HPSE2: variants seen among roughly 807,000 people sequenced by gnomAD.
HPSE2 encodes the protein inactive heparanase-2.
HPSE2 carries 38 observed loss-of-function variants against 60.5 expected under a neutral mutation model. The observed-to-expected ratio is 0.63, with a 90% CI of 0.48 to 0.82. The LOEUF is 0.82. Among genes scored for constraint, HPSE2 ranks in the 40% least tolerant of loss-of-function variants. The pLI is 0.00. For missense variants in HPSE2, 713 were observed against 740.4 expected, an observed-to-expected ratio of 0.96 and a Z score of 0.43; for synonymous variants, 295 against 293.2, an observed-to-expected ratio of 1.01 and a Z score of -0.06.
chr10:98,616,679 A>AAAAGC (rs1315615278), intron 8 of HPSE2, among the ~76,000 whole-genome samples: 1 of 152,188 alleles, frequency 6.6e-6, no homozygotes, highest in Non-Finnish European at 1.5e-5. Flanking sequence ...AAACAAAACA[A>AAAAGC]AAAGCAAAGC....
chr10:99,194,401 T>C (rs776940717), intron 2 of HPSE2, among the ~76,000 whole-genome samples: 11 of 148,838 alleles, frequency 7.4e-5, no homozygotes, highest in Non-Finnish European at 1.2e-4. Context: ...CCAAAATCAA[T>C]AGAAAAAAGA....
chr10:98,577,033 T>A (rs1239719249), intron 9 of HPSE2, among the ~76,000 whole-genome samples: 1 of 152,016 alleles, frequency 6.6e-6, no homozygotes, highest in African/African-American at 2.4e-5. Context: ...TCCTTCCTTC[T>A]CCTGATGAAG....
intron 6 of HPSE2, among the ~76,000 whole-genome samples, chr10:98,670,894 G>A (rs565971844): frequency 6.6e-6 from 1 of 152,274 alleles, no homozygotes; most frequent in South Asian, 2.1e-4. Flanking sequence ...TGGGGAGCTC[G>A]GATTTTAAGG....
the HPSE2 span, among the ~76,000 whole-genome samples, chr10:99,254,942 TAA>T: frequency 6.6e-6 from 1 of 152,190 alleles, no homozygotes; most frequent in African/African-American, 2.4e-5. Flanking sequence ...TGATAACAGG[TAA>T]AGAGTTTCTT....
chr10:98,900,531 TGTTA>T (rs1320363791), intron 3 of HPSE2, among the ~76,000 whole-genome samples: 5 of 152,168 alleles, frequency 3.3e-5, no homozygotes, highest in Admixed American at 6.5e-5. Context: ...ATACAGTACA[TGTTA>T]GTTATGCACG....
At chr10:98,566,265 T>G (rs1038929396) in intron 9 of HPSE2, among the ~76,000 whole-genome samples, 1 of 152,212 alleles carries the variant, frequency 6.6e-6, no homozygotes, top group Non-Finnish European at 1.5e-5. Context: ...ATAGCTAGGA[T>G]GATGACCTAG....
chr10:98,676,579 T>C (rs1947647831), intron 6 of HPSE2, among the ~76,000 whole-genome samples: 1 of 152,118 alleles, frequency 6.6e-6, no homozygotes, highest in Non-Finnish European at 1.5e-5. Context: ...TGCAGTGAAC[T>C]AACTGGGCAA....
the HPSE2 span, among the ~76,000 whole-genome samples, chr10:99,273,111 T>C: frequency 6.6e-6 from 1 of 152,124 alleles, no homozygotes; most frequent in African/African-American, 2.4e-5. Flanking sequence ...AATAAAGACA[T>C]TTGCAGCAAG....
chr10:99,047,935 T>C lies in HPSE2; in HGVS notation c.610+96303A>G, dbSNP rs149691306. On this transcript the variant is annotated intron_variant, in intron 3 of 11. Coordinates refer to ENST00000370552, the MANE Select transcript of HPSE2 (RefSeq NM_021828.5). Reference sequence around the variant, plus strand: ...TTGTCCTCAGGATCAGAGGTATCGATGGTGTTAGCCCAAAGGTCCGAAAGA... The same window carrying C: ...TTGTCCTCAGGATCAGAGGTATCGACGGTGTTAGCCCAAAGGTCCGAAAGA... 106 of 752,160 alleles carry C rather than the reference T, an allele frequency of 1.4e-4. No homozygotes were observed. The African/African-American group carries it at 1.6e-3, about 11-fold the overall frequency. 46.6% of individuals were successfully genotyped at this position (752,160 alleles called of 1,614,324 possible).
intron 3 of HPSE2, among the ~76,000 whole-genome samples, chr10:99,069,914 G>A (rs756409334): frequency 6.6e-6 from 1 of 151,982 alleles, no homozygotes; most frequent in Non-Finnish European, 1.5e-5. Flanking sequence ...ACAAGGAGAG[G>A]GAAAGTGGGA....
At chr10:99,223,460 C>A (rs1849377119) in intron 2 of HPSE2, among the ~76,000 whole-genome samples, 1 of 152,104 alleles carries the variant, frequency 6.6e-6, no homozygotes, top group African/African-American at 2.4e-5. Flanking sequence ...GCATTCCAAA[C>A]CAAGTGAAAA....
At chr10:98,957,436 A>T (rs1256832925) in intron 3 of HPSE2, among the ~76,000 whole-genome samples, 2 of 152,196 alleles carry the variant, frequency 1.3e-5, no homozygotes, top group African/African-American at 4.8e-5. Context: ...AGAGTGCTAC[A>T]GCATGAAGTC....
intron 3 of HPSE2, among the ~76,000 whole-genome samples, chr10:99,073,210 G>C (rs1350612556): frequency 1.3e-5 from 2 of 152,084 alleles, no homozygotes; most frequent in Admixed American, 1.3e-4. Context: ...CAATAGTAAA[G>C]ACATGGAACC....
intron 2 of HPSE2, among the ~76,000 whole-genome samples, chr10:99,184,381 C>T (rs1485121972): frequency 6.6e-6 from 1 of 151,646 alleles, no homozygotes; most frequent in Non-Finnish European, 1.5e-5. Flanking sequence ...AAAAATTAGC[C>T]AGGCTTGGTG....
intron 3 of HPSE2, among the ~76,000 whole-genome samples, chr10:99,038,952 A>G (rs561486776): frequency 1.4e-4 from 22 of 152,318 alleles, no homozygotes; most frequent in Non-Finnish European, 2.4e-4. Context: ...AGAAATTGCA[A>G]ACCAGAACAG....
At chr10:99,087,568 AATG>A (rs1395486957) in intron 3 of HPSE2, among the ~76,000 whole-genome samples, 3 of 152,162 alleles carry the variant, frequency 2.0e-5, no homozygotes, top group African/African-American at 7.2e-5. Context: ...CAATACCAGA[AATG>A]ATGCATGAAG....
At chr10:98,573,702 A>G (rs924858431) in intron 9 of HPSE2, among the ~76,000 whole-genome samples, 2 of 152,176 alleles carry the variant, frequency 1.3e-5, no homozygotes, top group Admixed American at 6.5e-5. Flanking sequence ...CAAACCTAAA[A>G]AAGTCTTTAT....
intron 3 of HPSE2, among the ~76,000 whole-genome samples, chr10:98,864,285 T>C (rs1481284681): frequency 6.6e-6 from 1 of 152,176 alleles, no homozygotes; most frequent in Non-Finnish European, 1.5e-5. Flanking sequence ...GATATTTATT[T>C]TTCTTAATTG....
At chr10:98,478,977 G>A (rs1359232033) in intron 11 of HPSE2, among the ~76,000 whole-genome samples, 2 of 152,178 alleles carry the variant, frequency 1.3e-5, no homozygotes, top group Non-Finnish European at 2.9e-5. Flanking sequence ...TCTTGTGAAT[G>A]TGGTTGCCTA....
Sources: allele counts gnomAD v4.1 joint callset (sites outside exome capture counted in the v4.1 genomes callset), GRCh38; gene constraint gnomAD v4.1.1; transcripts MANE v1.5; gene names NCBI Gene and HGNC (gene_info 2026-07-23, HGNC 2026-07-21).